Variants in CEP63 observed in about 807,000 individuals in gnomAD.
CEP63 encodes the protein centrosomal protein 63.
CEP63 carries 84 observed loss-of-function variants against 89.1 expected under a neutral mutation model. That is an observed-to-expected ratio of 0.94 (90% CI 0.79 to 1.13). The LOEUF (loss-of-function observed/expected upper bound fraction) is 1.13. Ranked by LOEUF, CEP63 falls within the 50% of genes most tolerant of loss-of-function variation. CEP63 has a pLI of 0.00. For missense variants in CEP63, 838 were observed against 813.3 expected, an observed-to-expected ratio of 1.03 and a Z score of -0.37; for synonymous variants, 267 against 272.5, an observed-to-expected ratio of 0.98 and a Z score of 0.20.
Position 134,558,297 on chromosome 3 carries a change from C to T in CEP63, c.1623C>T (p.Ile541=), listed in dbSNP as rs1956656364. The part of the protein sequence containing the change: ...TQMCKKQNDR[I]FKPTHSRTTE... The stretch of plus-strand genomic sequence containing the variant: ...TGTGCAAAAAACAAAATGACAGGAT[C>T]TTTAAACCAACACACAGCAGAACAA... Residue 541 remains isoleucine (I), a synonymous_variant, in exon 13 of 15, where the codon ATC becomes ATT. Transcript: ENST00000675561. 3 of 1,613,862 alleles carry T rather than the reference C, an allele frequency of 1.9e-6. No individual in the cohort carries two copies. The highest frequency in any genetic ancestry group is 2.5e-6 in the Non-Finnish European group (3 of 1,179,872).
exon 12 of CEP63, chr3:134,574,949 A>T: frequency 2.1e-6 from 1 of 480,840 alleles, no homozygotes; most frequent in Non-Finnish European, 3.7e-6. Flanking sequence ...AAGAATCTCA[A>T]TTAGAGTCTT....
At chr3:134,494,211 CTTCAAGCGAT>C (rs556232341) in intron 1 of CEP63, among the ~76,000 whole-genome samples, 22 of 151,738 alleles carry the variant, frequency 1.4e-4, no homozygotes, top group Non-Finnish European at 2.4e-4. Flanking sequence ...CGCCTCCCGA[CTTCAAGCGAT>C]TTTCCTACCT....
downstream of CEP63, among the ~76,000 whole-genome samples, chr3:134,589,725 G>A (rs1028066073): frequency 2.0e-5 from 3 of 152,100 alleles, no homozygotes; most frequent in Non-Finnish European, 4.4e-5. Flanking sequence ...AATACCATTC[G>A]ACCCAGCAAT....
At chr3:134,534,319 C>T (rs1271187357) in intron 5 of CEP63, among the ~76,000 whole-genome samples, 2 of 152,126 alleles carry the variant, frequency 1.3e-5, no homozygotes, top group African/African-American at 4.8e-5. Context: ...CTACTTATTC[C>T]CACTGCCATT....
chr3:134,650,745 C>T, the CEP63 span: 3 of 1,312,706 alleles, frequency 2.3e-6, no homozygotes, highest in African/African-American at 1.5e-5. Context: ...GAGCAATGGG[C>T]GCCCCCCGGC....
downstream of CEP63, among the ~76,000 whole-genome samples, chr3:134,568,106 C>T (rs1957862080): frequency 6.6e-6 from 1 of 152,152 alleles, no homozygotes; most frequent in African/African-American, 2.4e-5. Flanking sequence ...TCTTCCTAGT[C>T]CTTTTCTGGA....
At chr3:134,761,717 C>A in the CEP63 span, among the ~76,000 whole-genome samples, 1 of 151,554 alleles carries the variant, frequency 6.6e-6, no homozygotes, top group African/African-American at 2.4e-5. Context: ...AAATTCACAA[C>A]AAAATTTGTA....
At chr3:134,526,065 C>T (rs1948582849) in intron 3 of CEP63, among the ~76,000 whole-genome samples, 1 of 152,128 alleles carries the variant, frequency 6.6e-6, no homozygotes, top group Admixed American at 6.6e-5. Context: ...CTTTCAGGGA[C>T]ACCAATGAGT....
At chr3:134,485,968 C>T, upstream of CEP63, 1 of 972,466 alleles carries the variant, frequency 1.0e-6, no homozygotes, top group Non-Finnish European at 1.2e-6. Flanking sequence ...CCGGCCACCG[C>T]GGCAGACGCT....
chr3:134,650,387 T>C, the CEP63 span, among the ~76,000 whole-genome samples: 1 of 152,122 alleles, frequency 6.6e-6, no homozygotes, highest in Admixed American at 6.5e-5. Context: ...GAGCTCCCCA[T>C]CTAAAAGTCT....
the CEP63 span, among the ~76,000 whole-genome samples, chr3:134,689,245 T>A: frequency 6.6e-6 from 1 of 151,236 alleles, no homozygotes; most frequent in African/African-American, 2.4e-5. Flanking sequence ...ATAGCCAAAA[T>A]GATGAGGAAG....
At chr3:134,768,404 G>C in the CEP63 span, among the ~76,000 whole-genome samples, 1 of 152,206 alleles carries the variant, frequency 6.6e-6, no homozygotes, top group Non-Finnish European at 1.5e-5. Flanking sequence ...CCCAATCTCT[G>C]TTTTAAAGTT....
the CEP63 span, among the ~76,000 whole-genome samples, chr3:134,756,675 C>T: frequency 6.6e-6 from 1 of 152,176 alleles, no homozygotes; most frequent in Non-Finnish European, 1.5e-5. Context: ...TTATTGACAG[C>T]CTCGTGAGGG....
Position 134,528,854 on chromosome 3 carries a change from C to T in CEP63, c.223-2991C>T, listed in dbSNP as rs945585500. Among the ~76,000 whole-genome samples the T allele has an allele frequency of 2.0e-5, 3 of 152,260 alleles. No homozygotes were observed. The East Asian group carries it at 5.8e-4, about 29-fold the overall frequency. ...CTGGTGGATTGTGGGCTAGGAAATACGAATAGTTAAGACTCTTCAACTTGT... is the reference window on the plus strand; with the variant it reads ...CTGGTGGATTGTGGGCTAGGAAATATGAATAGTTAAGACTCTTCAACTTGT... On this transcript the variant is annotated intron_variant, in intron 3 of 14. Coordinates refer to ENST00000675561, the MANE Select transcript of CEP63 (RefSeq NM_001353108.3).
At chr3:134,765,530 T>C in the CEP63 span, among the ~76,000 whole-genome samples, 3 of 152,204 alleles carry the variant, frequency 2.0e-5, no homozygotes, top group Non-Finnish European at 4.4e-5. Flanking sequence ...AGTGCCTCTA[T>C]GCTAGATATT....
intron 3 of CEP63, among the ~76,000 whole-genome samples, chr3:134,508,283 T>G (rs1299350223): frequency 3.3e-5 from 5 of 152,264 alleles, no homozygotes; most frequent in Non-Finnish European, 7.3e-5. Context: ...GTATCAAAGT[T>G]TTCTGCTAAT....
Position 134,580,732 on chromosome 3 carries a change from T to C in CEP63, c.1207-6726T>C, listed in dbSNP as rs114848396. On this transcript the variant is annotated intron_variant, in intron 10 of 10. Coordinates refer to the CEP63 transcript ENST00000683931. ...ATGACAATATGGGGTTTATCTCATA[T>C]GAATTCAAGGTTGATATAACATTTG... Among the ~76,000 whole-genome samples the C allele has an allele frequency of 7.6e-3, 1,157 of 152,326 alleles. 17 individuals are homozygous for C. The highest frequency in any genetic ancestry group is 0.027 in the African/African-American group (1,102 of 41,556).
the CEP63 span, among the ~76,000 whole-genome samples, chr3:134,749,793 G>C: frequency 7.5e-6 from 1 of 133,604 alleles, no homozygotes; most frequent in Non-Finnish European, 1.6e-5. Context: ...GACCAGCAGA[G>C]AATTGATCAT....
At chr3:134,627,608 A>G in the CEP63 span, 9 of 674,312 alleles carry the variant, frequency 1.3e-5, no homozygotes, top group Non-Finnish European at 2.1e-5. Flanking sequence ...TTGCTAATCA[A>G]TCATGACACT....
Sources: gnomAD v4.1 joint callset for allele counts (sites outside exome capture counted in the v4.1 genomes callset) on GRCh38, gnomAD v4.1.1 for gene constraint, MANE v1.5 for transcripts, NCBI Gene and HGNC (gene_info 2026-07-23, HGNC 2026-07-21) for gene names.